The following EVC variants were observed in gnomAD, a reference collection of about 807,000 sequenced individuals.
EVC encodes the protein evC complex member EVC.
In EVC, 116 loss-of-function variants were observed where a neutral mutation model predicts 118.9. The observed-to-expected ratio is 0.98, with a 90% CI of 0.84 to 1.14. EVC has a LOEUF of 1.14. Ranked by LOEUF, EVC falls within the 50% of genes most tolerant of loss-of-function variation. The pLI is 0.00. For synonymous variants in EVC, 619 were observed against 534.7 expected, an observed-to-expected ratio of 1.16 and a Z score of -2.18; for missense variants, 1,401 against 1,246.4, an observed-to-expected ratio of 1.12 and a Z score of -1.87.
At chr4:5,824,604 C>T in the EVC span, 49 of 950,778 alleles carry the variant, frequency 5.2e-5, no homozygotes, top group Middle Eastern at 5.3e-4. Context: ...TGTTTCTGTA[C>T]GATCCATGAC....
rs1730929724 is a variant in EVC, at chr4:5,754,899, C to T, written c.1464+966C>T. Among the ~76,000 whole-genome samples the T allele has an allele frequency of 6.6e-6, 1 of 152,162 alleles. No homozygotes were observed. The highest frequency in any genetic ancestry group is 1.5e-5 in the Non-Finnish European group (1 of 68,030). On this transcript the variant is annotated intron_variant, in intron 10 of 20. Transcript: ENST00000264956. This position sits in a 1 kb window ranked among gnomAD's most constrained non-coding sequence, Gnocchi z 5.8. ...ACACTTGGTACAGCACATCTCAGTTCTGCCAAGGGGTGGGTGGCACCATGT... is the reference window on the plus strand; with the variant it reads ...ACACTTGGTACAGCACATCTCAGTTTTGCCAAGGGGTGGGTGGCACCATGT...
At chr4:5,791,303 G>A (rs919682780) in intron 12 of EVC, among the ~76,000 whole-genome samples, 5 of 152,148 alleles carry the variant, frequency 3.3e-5, no homozygotes, top group African/African-American at 1.2e-4. Flanking sequence ...AATCCTATAG[G>A]AGTAGAAGGT....
chr4:5,760,976 AT>A (rs2152118300), intron 11 of EVC, among the ~76,000 whole-genome samples: 1 of 152,234 alleles, frequency 6.6e-6, no homozygotes, highest in East Asian at 1.9e-4. Flanking sequence ...CATTTCCTCA[AT>A]TTGGAAATCA....
At chr4:5,733,256 TG>T in intron 4 of EVC, 94 bp from the exon 5 acceptor site, 1 of 950,292 alleles carries the variant, frequency 1.1e-6, no homozygotes, top group Non-Finnish European at 1.7e-6. Flanking sequence ...AGGCAGGGTG[TG>T]CTGTGGCTTG....
rs759147384 is a variant in EVC, at chr4:5,741,739, G to A, written c.726G>A (p.Met242Ile). The change falls in exon 6 of 21, where the codon ATG becomes ATA. Residue 242 changes from methionine to isoleucine, a missense_variant. Physicochemically the swap from Met to Ile is conservative, Grantham distance 10. Transcript: ENST00000264956. Reference protein sequence around the residue: ...KHMMFIQIFKMCLLDLLPKKK... With the variant: ...KHMMFIQIFKICLLDLLPKKK... ...AGATGTTTATTCAGATTTTTAAAAT[G>A]TGCCTCCTTGACCTTCTTCCTAAAA... 5 of 1,571,002 alleles carry A rather than the reference G, an allele frequency of 3.2e-6. No homozygotes were observed. In the Admixed American group the frequency reaches 8.4e-5, roughly 26 times the overall value.
intron 4 of EVC, among the ~76,000 whole-genome samples, chr4:5,732,800 G>T (rs1467040355): frequency 6.6e-6 from 1 of 152,130 alleles, no homozygotes; most frequent in Non-Finnish European, 1.5e-5. Flanking sequence ...GCTTGAGCTC[G>T]GGAGTTTAAG....
rs189997227 is a variant in EVC, at chr4:5,744,875, C to T, written c.802-329C>T. ...GAAAACCAGAAGAGGAGCAAAGAAA[C>T]ATTCCTTCCCAACCCACTGGATGTC... On this transcript the variant is annotated intron_variant, in intron 6 of 20. Transcript: ENST00000264956. 2.0e-5 allele frequency among the ~76,000 whole-genome samples: 3 copies of T among 152,162 alleles called. No individual in the cohort carries two copies. In the East Asian group the frequency reaches 5.8e-4, roughly 29 times the overall value.
intron 12 of EVC, among the ~76,000 whole-genome samples, chr4:5,787,798 G>A (rs753717445): frequency 3.3e-5 from 5 of 152,042 alleles, no homozygotes; most frequent in African/African-American, 4.8e-5. Context: ...TTGAATCCTG[G>A]CTCCCCACCT....
chr4:5,786,804 A>G (rs952906458), intron 12 of EVC, among the ~76,000 whole-genome samples: 9 of 151,436 alleles, frequency 5.9e-5, no homozygotes, highest in Non-Finnish European at 8.8e-5. Context: ...CCCGGGAGGC[A>G]GAGCTTGCAG....
the EVC span, chr4:5,825,212 A>C: frequency 1.0e-5 from 10 of 985,120 alleles, no homozygotes; most frequent in South Asian, 4.2e-4. The surrounding 1 kb of genome is among the most constrained non-coding windows in gnomAD (Gnocchi z 4.4). Flanking sequence ...AGTGTCCCCA[A>C]ATGTGTGTAA....
At chr4:5,748,064 A>G in intron 7 of EVC, 84 bp from the exon 8 acceptor site, 1 of 1,433,110 alleles carries the variant, frequency 7.0e-7, no homozygotes, top group Middle Eastern at 1.7e-4. Context: ...ATAGGGAGTG[A>G]ATTGTAATTC....
intron 12 of EVC, among the ~76,000 whole-genome samples, chr4:5,785,405 A>C (rs1342188457): frequency 6.6e-6 from 1 of 152,218 alleles, no homozygotes; most frequent in African/African-American, 2.4e-5. Context: ...GATTAGTTAC[A>C]AAAGACCAGT....
chr4:5,712,390 G>A (rs568709774), intron 1 of EVC, among the ~76,000 whole-genome samples: 2 of 152,326 alleles, frequency 1.3e-5, no homozygotes, highest in East Asian at 3.9e-4. Flanking sequence ...GGTCGGGGTG[G>A]CTGCCTGAAG....
chr4:5,717,535 T>G (rs1432534179), intron 1 of EVC, among the ~76,000 whole-genome samples: 1 of 152,182 alleles, frequency 6.6e-6, no homozygotes, highest in Non-Finnish European at 1.5e-5. Flanking sequence ...CTGACTGGGT[T>G]CTTCTTTGCA....
chr4:5,749,779 C>T lies in EVC; in HGVS notation c.1098+1473C>T, dbSNP rs1416393770. Reference sequence around the variant, plus strand: ...TCAGAACCCTGCAGTGGCCACCCTGCCCTCAGCACAGACTCAGCTCCTCAG... The same window carrying T: ...TCAGAACCCTGCAGTGGCCACCCTGTCCTCAGCACAGACTCAGCTCCTCAG... On this transcript the variant is annotated intron_variant, in intron 8 of 20. Coordinates refer to ENST00000264956, the MANE Select transcript of EVC (RefSeq NM_153717.3). The surrounding 1 kb of genome is among the most constrained non-coding windows in gnomAD (Gnocchi z 4.4). Among the ~76,000 whole-genome samples the T allele has an allele frequency of 6.6e-6, 1 of 152,122 alleles. No individual in the cohort carries two copies. Among genetic ancestry groups the T allele is most frequent in the Non-Finnish European group, 1.5e-5 (1 of 68,010 alleles).
At chr4:5,752,633 T>C (rs1730558681) in intron 8 of EVC, 3 of 659,738 alleles carry the variant, frequency 4.5e-6, no homozygotes, top group Non-Finnish European at 8.2e-6. Context: ...CCCCGCACCC[T>C]AGGAGAGACA....
chr4:5,760,020 A>G (rs1731766134), intron 11 of EVC, among the ~76,000 whole-genome samples: 2 of 152,128 alleles, frequency 1.3e-5, no homozygotes, highest in Admixed American at 1.3e-4. Context: ...AATCACAGGT[A>G]GGCAAGAGAT....
chr4:5,723,847 A>G (rs1725376804), intron 2 of EVC, among the ~76,000 whole-genome samples: 1 of 152,108 alleles, frequency 6.6e-6, no homozygotes, highest in South Asian at 2.1e-4. Context: ...GGACTCTGCA[A>G]GTGAGTCCTG....
chr4:5,752,779 A>G (rs1055569633), intron 8 of EVC, 57 bp from the exon 9 acceptor site: 1 of 1,565,144 alleles, frequency 6.4e-7, no homozygotes, highest in Non-Finnish European at 8.8e-7. Context: ...GTTAATTAAC[A>G]TGCCCTGGTG....
Sources: gnomAD v4.1 joint callset for allele counts (sites outside exome capture counted in the v4.1 genomes callset) on GRCh38, gnomAD v4.1.1 for gene constraint, Gnocchi (gnomAD v3.1) non-coding constraint, MANE v1.5 for transcripts, NCBI Gene and HGNC (gene_info 2026-07-23, HGNC 2026-07-21) for gene names.